The following SVIL variants were observed in gnomAD, a reference collection of about 807,000 sequenced individuals.
SVIL encodes archvillin.
Under a neutral mutation model 240.4 loss-of-function variants are expected in SVIL, and 101 were observed. That is an observed-to-expected ratio of 0.42 (90% confidence interval 0.36 to 0.50). The LOEUF is 0.50. SVIL is among the 20% of genes least tolerant of loss of function. The probability of loss-of-function intolerance (pLI) is 0.01; values close to 1 mark genes in which losing one functional copy is unlikely to be tolerated. For synonymous variants in SVIL, 999 were observed against 1,100.0 expected (o/e 0.91, Z 1.82); for missense variants, 2,512 against 2,818.7 (o/e 0.89, Z 2.46).
chr10:29,604,036 G>T (rs1956914950), intron 1 of SVIL, among the ~76,000 whole-genome samples: 1 of 152,142 alleles, frequency 6.6e-6, no homozygotes, highest in Non-Finnish European at 1.5e-5. Flanking sequence ...TTTCTGAGGT[G>T]CCAGTTACAG....
chr10:29,486,725 G>A (rs1171478032), intron 24 of SVIL, among the ~76,000 whole-genome samples, 168 bp from the exon 25 acceptor site: 2 of 152,204 alleles, frequency 1.3e-5, no homozygotes, highest in African/African-American at 2.4e-5. Context: ...TCAAGAAAAT[G>A]TAACTGAAAG....
At chr10:29,589,855 T>G (rs1956316388) in intron 1 of SVIL, among the ~76,000 whole-genome samples, 1 of 152,110 alleles carries the variant, frequency 6.6e-6, no homozygotes, top group Admixed American at 6.6e-5. Context: ...TGAACTAAAA[T>G]TAAGTTTGTT....
chr10:29,681,264 G>A (rs1331341479), intron 2 of SVIL, among the ~76,000 whole-genome samples: 1 of 152,050 alleles, frequency 6.6e-6, no homozygotes. Flanking sequence ...GGCACGTGCA[G>A]GCAAGGAAGG....
chr10:29,571,438 G>A (rs1385423652), intron 1 of SVIL, among the ~76,000 whole-genome samples: 1 of 152,188 alleles, frequency 6.6e-6, no homozygotes, highest in Admixed American at 6.5e-5. Context: ...AACCTACAGA[G>A]ACCCTCGTGT....
Position 29,550,945 on chromosome 10 carries a change from C to T in SVIL, c.479G>A (p.Ser160Asn), listed in dbSNP as rs748953369. The change falls in exon 6 of 38, where the codon AGC becomes AAC. Residue 160 changes from serine to asparagine, a missense_variant. Transcript: ENST00000355867. ...GGKSDKQEESSRDASSLYPGT... is the reference protein window; with the variant it reads ...GGKSDKQEESNRDASSLYPGT... ...GGGGTACAGAGAACTAGCATCTCTGCTTGACTCTTCCTGTTTGTCACTTTT... is the reference window on the plus strand; with the variant it reads ...GGGGTACAGAGAACTAGCATCTCTGTTTGACTCTTCCTGTTTGTCACTTTT... 19 of 1,613,980 alleles carry T rather than the reference C, an allele frequency of 1.2e-5. No individual in the cohort carries two copies. The highest frequency in any genetic ancestry group is 1.6e-5 in the Non-Finnish European group (19 of 1,180,028).
chr10:29,594,440 T>C (rs1956503378), intron 1 of SVIL, among the ~76,000 whole-genome samples: 1 of 152,296 alleles, frequency 6.6e-6, no homozygotes, highest in Admixed American at 6.5e-5. Context: ...TGTGTCAGTG[T>C]AGGCTCATCA....
intron 11 of SVIL, 131 bp downstream of exon 11, chr10:29,530,476 G>T (rs1486567883): frequency 6.5e-6 from 6 of 920,390 alleles, no homozygotes; most frequent in Non-Finnish European, 1.0e-5. Flanking sequence ...TTTGAGATGG[G>T]GGTCTCACTG....
At chr10:29,602,109 T>A (rs1275602122) in intron 1 of SVIL, among the ~76,000 whole-genome samples, 1 of 152,200 alleles carries the variant, frequency 6.6e-6, no homozygotes, top group Non-Finnish European at 1.5e-5. Flanking sequence ...TATATTTCAA[T>A]ATTTTGCTTT....
rs551961579 is a variant in SVIL at position 29,721,760 on chromosome 10, C to T, written c.-400+13991G>A. Among the ~76,000 whole-genome samples, 10 of 152,260 alleles carry T rather than the reference C, an allele frequency of 6.6e-5. No homozygotes were observed. The East Asian group carries it at 1.9e-3, about 29-fold the overall frequency. The stretch of plus-strand genomic sequence containing the variant: ...CAAGGAAACAGACAAATTTACAAAG[C>T]CACATATTTCAATACTGCTGGGGAT... On this transcript the variant is annotated intron_variant, in intron 1 of 35. Transcript: ENST00000375400.
chr10:29,672,527 G>T lies in SVIL; in HGVS notation c.-301+14026C>A, dbSNP rs955974575. Among the ~76,000 whole-genome samples the T allele has an allele frequency of 7.2e-5, 11 of 152,276 alleles. No homozygotes were observed. In the Middle Eastern group the frequency reaches 0.01, roughly 141 times the overall value. On this transcript the variant is annotated intron_variant, in intron 2 of 35. Coordinates refer to the SVIL transcript ENST00000375400. ...ATGCCACTCTGGGTGGCTTTGCAAA[G>T]TTACTTAACTAAATCCAATTTTCCT...
chr10:29,654,932 A>G (rs375746821), intron 3 of SVIL, among the ~76,000 whole-genome samples: 14 of 152,208 alleles, frequency 9.2e-5, no homozygotes, highest in African/African-American at 2.9e-4. Flanking sequence ...TTTTCTATCC[A>G]GGCCCGGAGT....
At chr10:29,458,990 C>A (rs1161788963) in intron 36 of SVIL, among the ~76,000 whole-genome samples, 2 of 132,980 alleles carry the variant, frequency 1.5e-5, no homozygotes, top group East Asian at 2.7e-4. Context: ...TTTCCTTTTC[C>A]ATTTTTTTTT....
intron 7 of SVIL, among the ~76,000 whole-genome samples, chr10:29,534,309 T>A (rs960581324): frequency 5.3e-5 from 8 of 152,002 alleles, no homozygotes; most frequent in Non-Finnish European, 8.8e-5. Flanking sequence ...TTGAGACCAG[T>A]TTGGGCAACA....
chr10:29,482,343 T>A (rs1946978647), intron 27 of SVIL, among the ~76,000 whole-genome samples: 1 of 152,126 alleles, frequency 6.6e-6, no homozygotes, highest in South Asian at 2.1e-4. Flanking sequence ...ATTCTTGTCT[T>A]TGGGATACCC....
intron 1 of SVIL, among the ~76,000 whole-genome samples, chr10:29,608,357 A>T (rs1449664704): frequency 6.6e-6 from 1 of 152,242 alleles, no homozygotes; most frequent in Non-Finnish European, 1.5e-5. Flanking sequence ...TGAGGACGCC[A>T]GCTGCAGTGG....
intron 17 of SVIL, among the ~76,000 whole-genome samples, chr10:29,505,629 G>A (rs1426602939): frequency 6.6e-6 from 1 of 152,126 alleles, no homozygotes. Flanking sequence ...TGTCAAAACC[G>A]AAAGAATGGA....
intron 2 of SVIL, among the ~76,000 whole-genome samples, chr10:29,685,282 T>C (rs889944379): frequency 2.6e-5 from 4 of 152,242 alleles, no homozygotes; most frequent in East Asian, 1.9e-4. Flanking sequence ...TAGTATTCCA[T>C]AGTGTATATG....
intron 1 of SVIL, among the ~76,000 whole-genome samples, chr10:29,616,429 G>A (rs1777319): frequency 0.094 from 14,289 of 152,214 alleles, 812 homozygotes; most frequent in Admixed American, 0.14. Flanking sequence ...CCAAAATCAA[G>A]TAAAATATAC....
chr10:29,570,377 AG>A (rs1203659272), intron 1 of SVIL, among the ~76,000 whole-genome samples: 2 of 152,238 alleles, frequency 1.3e-5, no homozygotes, highest in Non-Finnish European at 2.9e-5. Flanking sequence ...AGTGCATTTG[AG>A]CTGGAAAGCA....
Sources: allele counts gnomAD v4.1 joint callset (sites outside exome capture counted in the v4.1 genomes callset), GRCh38; gene constraint gnomAD v4.1.1; transcripts MANE v1.5; gene names NCBI Gene and HGNC (gene_info 2026-07-23, HGNC 2026-07-21).